Variants in GRM7 observed in about 807,000 individuals in gnomAD.
GRM7 encodes the protein metabotropic glutamate receptor 7.
GRM7 carries 35 observed loss-of-function variants against 84.5 expected under a neutral mutation model. The observed-to-expected ratio is 0.41, with a 90% CI of 0.32 to 0.55. GRM7 has a LOEUF of 0.55. GRM7 is among the 20% of genes least tolerant of loss of function. GRM7 has a pLI of 0.19. For synonymous variants in GRM7, 487 were observed against 455.1 expected, an observed-to-expected ratio of 1.07 and a Z score of -0.89; for missense variants, 1,003 against 1,194.6, an observed-to-expected ratio of 0.84 and a Z score of 2.36.
At chr3:7,669,482 A>G (rs1398316149) in intron 8 of GRM7, among the ~76,000 whole-genome samples, 2 of 152,216 alleles carry the variant, frequency 1.3e-5, no homozygotes, top group African/African-American at 4.8e-5. Flanking sequence ...GGCCATGTGA[A>G]GGAATATTAT....
intron 1 of GRM7, among the ~76,000 whole-genome samples, chr3:6,896,813 T>G (rs1341665042): frequency 6.6e-6 from 1 of 152,224 alleles, no homozygotes; most frequent in Non-Finnish European, 1.5e-5. Flanking sequence ...TCTTGAATTC[T>G]TAGTCCCATT....
At chr3:7,448,761 G>T (rs1697637809) in intron 5 of GRM7, among the ~76,000 whole-genome samples, 1 of 152,136 alleles carries the variant, frequency 6.6e-6, no homozygotes, top group African/African-American at 2.4e-5. Flanking sequence ...CTCTGAGAGA[G>T]GGATAAAGCC....
chr3:7,202,375 G>T (rs551692340), intron 2 of GRM7, among the ~76,000 whole-genome samples: 1 of 152,236 alleles, frequency 6.6e-6, no homozygotes, highest in South Asian at 2.1e-4. Flanking sequence ...CTGTTGCCCA[G>T]GCTGGAGTGC....
intron 1 of GRM7, among the ~76,000 whole-genome samples, chr3:6,910,409 C>T (rs79360411): frequency 0.071 from 10,741 of 152,188 alleles, 481 homozygotes; most frequent in Middle Eastern, 0.11. Context: ...ACCCATGTCT[C>T]TTCCATCTTG....
chr3:7,014,535 T>A (rs979442952), intron 1 of GRM7, among the ~76,000 whole-genome samples: 6 of 152,026 alleles, frequency 3.9e-5, no homozygotes, highest in Admixed American at 3.3e-4. Context: ...AGGCTGGTCT[T>A]GAACTCCTGG....
At chr3:7,075,496 A>ATGTGTGTGTGTGTGTGTGTG (rs376048569) in intron 1 of GRM7, among the ~76,000 whole-genome samples, 3 of 138,490 alleles carry the variant, frequency 2.2e-5, no homozygotes, top group East Asian at 2.1e-4. Flanking sequence ...TGCTTCTCAG[A>ATGTGTGTGTGTGTGTGTGTG]TGTGTGTGTG....
chr3:7,679,851 A>G (rs1470433139), intron 8 of GRM7, among the ~76,000 whole-genome samples, 198 bp from the exon 9 acceptor site: 2 of 152,252 alleles, frequency 1.3e-5, no homozygotes, highest in Non-Finnish European at 2.9e-5. Context: ...GGATTGACCC[A>G]ATAGCATTCA....
At chr3:7,313,491 G>A (rs963305503) in intron 4 of GRM7, among the ~76,000 whole-genome samples, 1 of 151,920 alleles carries the variant, frequency 6.6e-6, no homozygotes, top group African/African-American at 2.4e-5. Flanking sequence ...TGCAACCTAA[G>A]GTATTCTTAA....
intron 7 of GRM7, among the ~76,000 whole-genome samples, chr3:7,558,917 G>T (rs1361202457): frequency 6.6e-6 from 1 of 152,064 alleles, no homozygotes; most frequent in South Asian, 2.1e-4. Context: ...ATTGAAATCT[G>T]GGAAGCTTGT....
intron 7 of GRM7, among the ~76,000 whole-genome samples, chr3:7,569,978 G>A (rs1317574483): frequency 6.6e-6 from 1 of 152,172 alleles, no homozygotes; most frequent in African/African-American, 2.4e-5. Flanking sequence ...CCACAGTGGT[G>A]GCAGGCAAAG....
intron 9 of GRM7, among the ~76,000 whole-genome samples, chr3:7,713,108 A>C (rs1701637639): frequency 7.3e-6 from 1 of 137,870 alleles, no homozygotes; most frequent in African/African-American, 2.7e-5. Context: ...GATAGAGAGG[A>C]TTCGAATTTT....
At chr3:7,165,371 A>T (rs1337510910) in intron 2 of GRM7, among the ~76,000 whole-genome samples, 4 of 152,244 alleles carry the variant, frequency 2.6e-5, no homozygotes, top group Non-Finnish European at 5.9e-5. Context: ...AAATTGAAGA[A>T]AAATTAAACT....
intron 8 of GRM7, among the ~76,000 whole-genome samples, chr3:7,646,802 A>G (rs991341933): frequency 3.3e-5 from 5 of 152,346 alleles, no homozygotes; most frequent in Middle Eastern, 3.4e-3. Flanking sequence ...TTCAGGCCAA[A>G]AAACCCTTTC....
At chr3:7,114,889 C>T (rs1692978851) in intron 1 of GRM7, among the ~76,000 whole-genome samples, 1 of 152,060 alleles carries the variant, frequency 6.6e-6, no homozygotes, top group South Asian at 2.1e-4. Flanking sequence ...TGCTGCCCAC[C>T]CCATGTTTTG....
intron 1 of GRM7, among the ~76,000 whole-genome samples, chr3:7,128,571 G>A (rs1693482814): frequency 1.7e-5 from 2 of 116,902 alleles, no homozygotes; most frequent in Admixed American, 8.0e-5. Context: ...GCAGTGGCGC[G>A]ATCTGTGTTC....
At chr3:6,952,272 A>G (rs1045190547) in intron 1 of GRM7, among the ~76,000 whole-genome samples, 1 of 152,164 alleles carries the variant, frequency 6.6e-6, no homozygotes, top group South Asian at 2.1e-4. Flanking sequence ...CCCATGAATT[A>G]TGAGGTTTTC....
At chr3:7,047,065 A>G (rs934668160) in intron 1 of GRM7, among the ~76,000 whole-genome samples, 1 of 152,074 alleles carries the variant, frequency 6.6e-6, no homozygotes, top group African/African-American at 2.4e-5. Context: ...ATCTATAGTC[A>G]TAGTTGCAAT....
chr3:6,960,055 A>G (rs1423078228), intron 1 of GRM7, among the ~76,000 whole-genome samples: 1 of 152,156 alleles, frequency 6.6e-6, no homozygotes, highest in South Asian at 2.1e-4. Flanking sequence ...ACCAATAACA[A>G]CTATAATCCT....
intron 1 of GRM7, among the ~76,000 whole-genome samples, chr3:6,930,338 T>A (rs1182753519): frequency 6.6e-6 from 1 of 152,210 alleles, no homozygotes; most frequent in Non-Finnish European, 1.5e-5. Context: ...AGTGAAACAA[T>A]GTTCGATAAA....
Sources: allele counts gnomAD v4.1 joint callset (sites outside exome capture counted in the v4.1 genomes callset), GRCh38; gene constraint gnomAD v4.1.1; transcripts MANE v1.5; gene names NCBI Gene and HGNC (gene_info 2026-07-23, HGNC 2026-07-21).